RSBN1L: variants seen among roughly 807,000 people sequenced by gnomAD.
The protein encoded by RSBN1L is lysine-specific demethylase RSBN1L.
Under a neutral mutation model 67.7 loss-of-function variants are expected in RSBN1L, and 30 were observed. That is an observed-to-expected ratio of 0.44 (90% CI 0.33 to 0.60). The LOEUF is 0.60. Among genes scored for constraint, RSBN1L ranks in the 20% least tolerant of loss-of-function variants. The probability of loss-of-function intolerance (pLI) is 0.02; values close to 1 mark genes in which losing one functional copy is unlikely to be tolerated. For synonymous variants in RSBN1L, 433 were observed against 387.0 expected (o/e 1.12, Z -1.39); for missense variants, 992 against 1,031.7 (o/e 0.96, Z 0.53).
At chr7:77,742,182 T>TACACCC (rs1791421799) in intron 2 of RSBN1L, among the ~76,000 whole-genome samples, 1 of 80,296 alleles carries the variant, frequency 1.2e-5, no homozygotes, top group Non-Finnish European at 2.3e-5. Context: ...AAAAAAAAAA[T>TACACCC]ACACACACAC....
chr7:77,773,608 C>A (rs1012500163), intron 6 of RSBN1L, among the ~76,000 whole-genome samples: 1 of 152,078 alleles, frequency 6.6e-6, no homozygotes, highest in African/African-American at 2.4e-5. Flanking sequence ...ACTAAAAATA[C>A]AAAAGTTAGC....
At chr7:77,757,853 G>T (rs1361869549) in intron 3 of RSBN1L, among the ~76,000 whole-genome samples, 1 of 152,302 alleles carries the variant, frequency 6.6e-6, no homozygotes, top group South Asian at 2.1e-4. Context: ...CAGTGTACAA[G>T]CTTCTGCTTG....
At position 77,779,078 on chromosome 7, in the gene RSBN1L, G is replaced by A. The variant is rs1263467392; in HGVS notation, c.2451G>A (p.Leu817=). The A allele has an allele frequency of 3.1e-6, 5 of 1,613,444 alleles. 1 individual carries two copies. In the South Asian group the frequency reaches 5.5e-5, roughly 18 times the overall value. ...GCAACAAAGATTTAAAGGAAGAATT[G>A]TGCCCTGGAAATCTAAGTCTAGTTG... ...ENSNKDLKEE[L]CPGNLSLVDT... is the part of the protein sequence containing the mutation. Residue 817 remains leucine, a synonymous_variant, in exon 8 of 8, where the codon TTG becomes TTA. Coordinates refer to ENST00000334955, the MANE Select transcript of RSBN1L (RefSeq NM_198467.3).
At chr7:77,741,053 C>T (rs1485688815) in intron 2 of RSBN1L, among the ~76,000 whole-genome samples, 1 of 144,292 alleles carries the variant, frequency 6.9e-6, no homozygotes, top group Non-Finnish European at 1.5e-5. Context: ...ATGGCACAGT[C>T]TGGGCTCACT....
At chr7:77,745,203 G>T (rs1791466256) in intron 2 of RSBN1L, among the ~76,000 whole-genome samples, 1 of 151,562 alleles carries the variant, frequency 6.6e-6, no homozygotes, top group African/African-American at 2.4e-5. Flanking sequence ...GGAGGTTGCA[G>T]TGAGCCGAGA....
intron 2 of RSBN1L, among the ~76,000 whole-genome samples, chr7:77,747,945 A>G (rs1181221299): frequency 6.6e-6 from 1 of 152,130 alleles, no homozygotes; most frequent in South Asian, 2.1e-4. Context: ...AGTCACATCA[A>G]ATGGATAGAA....
chr7:77,731,887 C>T (rs998170084), intron 1 of RSBN1L, among the ~76,000 whole-genome samples: 10 of 151,756 alleles, frequency 6.6e-5, no homozygotes, highest in African/African-American at 1.7e-4. Flanking sequence ...GTTCCAGTAC[C>T]GTTTGTTGGA....
At chr7:77,771,330 G>A (rs900004699) in intron 5 of RSBN1L, among the ~76,000 whole-genome samples, 9 of 152,278 alleles carry the variant, frequency 5.9e-5, no homozygotes, top group Non-Finnish European at 1.2e-4. Flanking sequence ...AAAGAAAACA[G>A]GGAAAAAGTC....
chr7:77,751,037 CT>C (rs1383668166), intron 3 of RSBN1L, among the ~76,000 whole-genome samples: 8 of 152,194 alleles, frequency 5.3e-5, no homozygotes, highest in Non-Finnish European at 7.3e-5. Context: ...ATAGTTTCCA[CT>C]TTAAATGGTA....
rs568599449 is a variant in RSBN1L, at chr7:77,767,974, C to T, written c.1483-687C>T. Reference sequence around the variant, plus strand: ...CAAGCGATTCTCCTGCCTCAACCTCCTGAGTAGCTGGGACTACAGGTGCGC... The same window carrying T: ...CAAGCGATTCTCCTGCCTCAACCTCTTGAGTAGCTGGGACTACAGGTGCGC... On this transcript the variant is annotated intron_variant, in intron 4 of 7. Transcript: ENST00000334955. 4.1e-4 allele frequency among the ~76,000 whole-genome samples: 61 copies of T among 149,714 alleles called. No homozygotes were observed. In the East Asian group the frequency reaches 0.011, roughly 27 times the overall value.
chr7:77,755,773 A>G (rs1306180428), intron 3 of RSBN1L, among the ~76,000 whole-genome samples: 4 of 152,222 alleles, frequency 2.6e-5, no homozygotes, highest in Admixed American at 6.5e-5. Context: ...TGACCTAACT[A>G]TGAAGTTTCA....
chr7:77,706,008 C>G (rs1467874279), intron 1 of RSBN1L, among the ~76,000 whole-genome samples: 1 of 151,946 alleles, frequency 6.6e-6, no homozygotes, highest in Non-Finnish European at 1.5e-5. Flanking sequence ...TCAAGCGATT[C>G]CTGCCTCAGC....
chr7:77,759,213 T>TACATTGTTGCCTTTGTTGCCTTTG (rs1791664140), intron 3 of RSBN1L, among the ~76,000 whole-genome samples: 1 of 152,186 alleles, frequency 6.6e-6, no homozygotes, highest in African/African-American at 2.4e-5. Flanking sequence ...ATTGCTTGCC[T>TACATTGTTGCCTTTGTTGCCTTTG]TTGTACTAAA....
chr7:77,763,144 T>G (rs1032770108), intron 3 of RSBN1L, among the ~76,000 whole-genome samples: 1 of 133,408 alleles, frequency 7.5e-6, no homozygotes, highest in Non-Finnish European at 1.6e-5. Flanking sequence ...ATATATATAA[T>G]TTGACTTTTT....
intron 1 of RSBN1L, among the ~76,000 whole-genome samples, chr7:77,705,077 C>T (rs1053729778): frequency 6.6e-6 from 1 of 151,992 alleles, no homozygotes; most frequent in Non-Finnish European, 1.5e-5. Flanking sequence ...TCTCCAATAT[C>T]TTAACCCCCA....
chr7:77,730,914 T>C (rs1791264207), intron 1 of RSBN1L, among the ~76,000 whole-genome samples: 1 of 152,220 alleles, frequency 6.6e-6, no homozygotes, highest in Non-Finnish European at 1.5e-5. Context: ...CTGGAACATA[T>C]GATAAGAGTA....
At chr7:77,699,308 A>C (rs903493934) in intron 1 of RSBN1L, among the ~76,000 whole-genome samples, 1 of 152,282 alleles carries the variant, frequency 6.6e-6, no homozygotes, top group South Asian at 2.1e-4. Context: ...ACAAAACAAA[A>C]CTGAACCACA....
intron 1 of RSBN1L, 30 bp downstream of exon 1, chr7:77,697,085 G>A: frequency 1.5e-6 from 2 of 1,355,288 alleles, no homozygotes; most frequent in South Asian, 1.8e-5. Context: ...GGGGAGGGGA[G>A]GGCGCCGTGG....
intron 1 of RSBN1L, among the ~76,000 whole-genome samples, chr7:77,726,969 G>A (rs1328309500): frequency 1.3e-5 from 2 of 151,444 alleles, no homozygotes; most frequent in East Asian, 3.9e-4. Flanking sequence ...TTGTAATAGG[G>A]ATGGGGTTTC....
Sources: gnomAD v4.1 joint callset for allele counts (sites outside exome capture counted in the v4.1 genomes callset) on GRCh38, gnomAD v4.1.1 for gene constraint, MANE v1.5 for transcripts, NCBI Gene and HGNC (gene_info 2026-07-23, HGNC 2026-07-21) for gene names.